Variants in TCF7L2 observed in about 807,000 individuals in gnomAD.
TCF7L2 encodes transcription factor 7 like 2.
A neutral mutation model predicts 77.9 loss-of-function variants in TCF7L2; 23 were observed. That is an observed-to-expected ratio of 0.30 (90% CI 0.21 to 0.42). TCF7L2 has a LOEUF of 0.42. Ranked by LOEUF, TCF7L2 falls within the 10% of genes least tolerant of loss-of-function variation. TCF7L2 has a pLI of 1.00. For missense variants in TCF7L2, 654 were observed against 793.1 expected (o/e 0.82, Z 2.11); for synonymous variants, 413 against 340.2 (o/e 1.21, Z -2.36).
intron 4 of TCF7L2, among the ~76,000 whole-genome samples, chr10:113,022,529 T>C (rs1367472000): frequency 3.3e-5 from 5 of 152,198 alleles, no homozygotes; most frequent in Admixed American, 3.3e-4. Context: ...GGAAGACTTT[T>C]GGTCACTCTG....
At chr10:113,044,138 T>A (rs1308384587) in intron 5 of TCF7L2, among the ~76,000 whole-genome samples, 1 of 152,154 alleles carries the variant, frequency 6.6e-6, no homozygotes, top group Non-Finnish European at 1.5e-5. Flanking sequence ...CATGGAGGTG[T>A]GGGATAAGAA....
intron 4 of TCF7L2, chr10:112,987,882 G>GC (rs34967964): frequency 0.33 from 49,483 of 151,282 alleles, 8,626 homozygotes; most frequent in Middle Eastern, 0.46. Context: ...ATACACCCAT[G>GC]AAAAAATAAA....
intron 5 of TCF7L2, among the ~76,000 whole-genome samples, chr10:113,068,169 T>C (rs912544912): frequency 3.3e-5 from 5 of 152,198 alleles, no homozygotes; most frequent in Non-Finnish European, 7.3e-5. Flanking sequence ...GAAAACACTC[T>C]AGATATAACT....
rs2065673636 is a variant in TCF7L2 at position 113,126,730 on chromosome 10, CCGCGGGTGCGCGGCGGCGG to C, written c.553-14447_553-14429del. 9.1e-6 allele frequency: 9 copies of C among 985,798 alleles called. No homozygotes were observed. In the South Asian group the frequency reaches 2.3e-4, roughly 26 times the overall value. The allele number at this position is 985,798 out of a possible 1,614,324, so 61.1% of individuals were successfully genotyped here. On this transcript the variant is annotated intron_variant, in intron 5 of 13. Coordinates refer to ENST00000627217, the MANE Select transcript of TCF7L2 (RefSeq NM_001146274.2). ...TGCTGGTGTGTGCTGCTCCCCTGTG[CCGCGGGTGCGCGGCGGCGG>C]CGCGGGCTGCAGGGCGGGTGCTGCC... is the stretch of plus-strand genomic sequence containing the variant.
chr10:113,118,519 G>GT (rs35999815), intron 5 of TCF7L2, among the ~76,000 whole-genome samples: 77,062 of 133,116 alleles, frequency 0.58, 21,518 homozygotes, highest in East Asian at 0.82. Flanking sequence ...GTCATCTGGG[G>GT]GGTGTGTGTG....
At chr10:113,027,995 G>A (rs1451900458) in intron 4 of TCF7L2, among the ~76,000 whole-genome samples, 1 of 152,186 alleles carries the variant, frequency 6.6e-6, no homozygotes, top group Non-Finnish European at 1.5e-5. Context: ...ATTGTGTGAG[G>A]CTTCTCTGGA....
intron 4 of TCF7L2, among the ~76,000 whole-genome samples, chr10:112,986,308 G>A (rs535862428): frequency 6.6e-6 from 1 of 152,058 alleles, no homozygotes; most frequent in African/African-American, 2.4e-5. Flanking sequence ...CTTTGAGCTT[G>A]TTTCGCTCTG....
intron 4 of TCF7L2, among the ~76,000 whole-genome samples, chr10:112,993,694 A>G (rs975256369): frequency 6.6e-6 from 1 of 152,196 alleles, no homozygotes; most frequent in South Asian, 2.1e-4. Flanking sequence ...AGAGAGGGAC[A>G]GGGCAAAAAC....
rs573425555 is a variant in TCF7L2, at chr10:113,165,653, C to T, written c.1490C>T (p.Pro497Leu). Residue 497 changes from proline to leucine, a missense_variant, in exon 14 of 14, where the codon CCG (proline) becomes CTG (leucine). By Grantham distance (98) the Pro-to-Leu change is moderately conservative. This residue lies in a region of TCF7L2 where 272 missense variants were observed against 215.4 expected (regional missense o/e 1.26). Coordinates refer to ENST00000627217, the MANE Select transcript of TCF7L2 (RefSeq NM_001146274.2). Reference sequence around the variant, plus strand: ...TTACTAGATTCGCCTCCCCCCTCCCCGAACCTGCTAGGCTCCCCTCCCCGA... The same window carrying T: ...TTACTAGATTCGCCTCCCCCCTCCCTGAACCTGCTAGGCTCCCCTCCCCGA... 1.9e-5 allele frequency: 30 copies of T among 1,611,734 alleles called. No individual in the cohort carries two copies. The highest frequency in any genetic ancestry group is 6.7e-5 in the Admixed American group (4 of 59,732).
At chr10:113,134,915 C>A (rs2067176547) in intron 5 of TCF7L2, among the ~76,000 whole-genome samples, 1 of 152,154 alleles carries the variant, frequency 6.6e-6, no homozygotes, top group Non-Finnish European at 1.5e-5. Flanking sequence ...CTTTCTGGCC[C>A]CATTTTGCTT....
chr10:113,101,772 C>T (rs552551943), intron 5 of TCF7L2, among the ~76,000 whole-genome samples: 57 of 142,606 alleles, frequency 4.0e-4, no homozygotes, highest in South Asian at 1.3e-3. Flanking sequence ...GAACCCAGGA[C>T]GGGGAGCTTG....
chr10:113,149,576 A>G (rs2070292368), intron 8 of TCF7L2, among the ~76,000 whole-genome samples: 1 of 152,168 alleles, frequency 6.6e-6, no homozygotes, highest in Non-Finnish European at 1.5e-5. Context: ...TTGTTACCTT[A>G]TTTTGGCTGA....
At chr10:113,164,112 G>A (rs955671419) in intron 13 of TCF7L2, among the ~76,000 whole-genome samples, 1 of 152,202 alleles carries the variant, frequency 6.6e-6, no homozygotes, top group African/African-American at 2.4e-5. Context: ...CACACTTCCT[G>A]TATCTGCATT....
intron 12 of TCF7L2, 78 bp downstream of exon 12, chr10:113,158,147 G>C (rs182939796): frequency 6.7e-7 from 1 of 1,484,310 alleles, no homozygotes; most frequent in Non-Finnish European, 9.2e-7. Flanking sequence ...CCATCTGGGG[G>C]AGGCAGGAGA....
chr10:112,979,842 G>C (rs768750779), intron 4 of TCF7L2, among the ~76,000 whole-genome samples: 4 of 152,114 alleles, frequency 2.6e-5, no homozygotes, highest in Non-Finnish European at 4.4e-5. Context: ...TGAATTTTCT[G>C]ATCTAGTTAC....
rs2074076756 is a variant in TCF7L2 at position 113,167,180 on chromosome 10, G to A, written c.*1208G>A. On this transcript the variant is annotated 3_prime_UTR_variant, in exon 14 of 14. Transcript: ENST00000627217. ...AGGTAGATTTGTATGTAGTTTTAAT[G>A]TCACCTATAACAAAATGTGTTTGGT... 4.4e-6 allele frequency: 1 copy of A among 228,742 alleles called. No individual in the cohort carries two copies. The allele number at this position is 228,742 out of a possible 1,614,324, so 14.2% of individuals were successfully genotyped here.
intron 4 of TCF7L2, among the ~76,000 whole-genome samples, chr10:113,009,652 T>G (rs1359544687): frequency 3.9e-5 from 6 of 152,234 alleles, no homozygotes; most frequent in African/African-American, 1.4e-4. Flanking sequence ...CCTCTTGAGC[T>G]GATGCTCACA....
chr10:112,964,822 T>TGATGGTGGTGGTGG (rs1554875168), intron 4 of TCF7L2, among the ~76,000 whole-genome samples, 198 bp downstream of exon 4: 1 of 73,562 alleles, frequency 1.4e-5, no homozygotes, highest in Non-Finnish European at 2.7e-5. Context: ...TGGGGGGGGG[T>TGATGGTGGTGGTGG]TGAATCACTG....
chr10:113,163,000 A>G (rs142006753), intron 13 of TCF7L2, among the ~76,000 whole-genome samples: 5 of 150,932 alleles, frequency 3.3e-5, no homozygotes, highest in African/African-American at 1.2e-4. Flanking sequence ...TCATAGGACA[A>G]AATGTACTTA....
Sources: allele counts gnomAD v4.1 joint callset (sites outside exome capture counted in the v4.1 genomes callset), GRCh38; gene constraint gnomAD v4.1.1; regional missense constraint gnomAD v4.1.1; transcripts MANE v1.5; gene names NCBI Gene and HGNC (gene_info 2026-07-23, HGNC 2026-07-21).